CCDC7: variants seen among roughly 807,000 people sequenced by gnomAD.
The protein encoded by CCDC7 is coiled-coil domain containing 7.
CCDC7 carries 183 observed loss-of-function variants against 196.9 expected under a neutral mutation model. The observed-to-expected ratio is 0.93, with a 90% confidence interval of 0.82 to 1.05. The LOEUF (loss-of-function observed/expected upper bound fraction) is 1.05. Among genes scored for constraint, CCDC7 ranks in the 50% least tolerant of loss-of-function variants. The probability of loss-of-function intolerance (pLI) is 0.00; values close to 1 mark genes in which losing one functional copy is unlikely to be tolerated. For synonymous variants in CCDC7, 525 were observed against 484.6 expected (o/e 1.08, Z -1.10); for missense variants, 1,540 against 1,482.2 (o/e 1.04, Z -0.64).
At chr10:32,460,605 A>G (rs1170525553) in intron 3 of CCDC7, among the ~76,000 whole-genome samples, 2 of 130,776 alleles carry the variant, frequency 1.5e-5, no homozygotes, top group African/African-American at 5.5e-5. Flanking sequence ...ATTCCTAGGT[A>G]TAATGTGCTT....
chr10:32,868,369 G>T (rs920876680), intron 41 of CCDC7, among the ~76,000 whole-genome samples: 1 of 151,892 alleles, frequency 6.6e-6, no homozygotes, highest in Non-Finnish European at 1.5e-5. Flanking sequence ...ATTTTCCTCT[G>T]TATCTACTCA....
At chr10:32,827,973 ACATTTATCATCTATT>A (rs2091401113) in intron 32 of CCDC7, among the ~76,000 whole-genome samples, 1 of 152,070 alleles carries the variant, frequency 6.6e-6, no homozygotes, top group African/African-American at 2.4e-5. Context: ...CTGAAAAGAG[ACATTTATCATCTATT>A]CTCTCTAAAG....
intron 5 of CCDC7, among the ~76,000 whole-genome samples, chr10:32,468,724 C>T (rs1554774053): frequency 6.8e-6 from 1 of 147,388 alleles, no homozygotes; most frequent in Non-Finnish European, 1.5e-5. Context: ...GTGCACATTA[C>T]TGGATTAGAT....
intron 37 of CCDC7, 90 bp downstream of exon 38, chr10:32,846,549 C>A: frequency 2.7e-6 from 2 of 739,676 alleles, no homozygotes; most frequent in Non-Finnish European, 4.5e-6. Context: ...ACAATAGTGC[C>A]TACATGTTAG....
At chr10:32,854,844 G>GT (rs1193778079) in intron 41 of CCDC7, among the ~76,000 whole-genome samples, 7 of 152,002 alleles carry the variant, frequency 4.6e-5, no homozygotes, top group East Asian at 1.9e-4. Flanking sequence ...TTTTATCATC[G>GT]TTTTTTGCCA....
chr10:32,457,085 A>G (rs2034523822), intron 3 of CCDC7, among the ~76,000 whole-genome samples: 1 of 151,814 alleles, frequency 6.6e-6, no homozygotes, highest in Non-Finnish European at 1.5e-5. Context: ...GAACACTATA[A>G]CTTATTTCTC....
intron 28 of CCDC7, among the ~76,000 whole-genome samples, chr10:32,756,133 G>A (rs1003164984): frequency 6.6e-6 from 1 of 152,228 alleles, no homozygotes; most frequent in African/African-American, 2.4e-5. Context: ...ACATCAGATT[G>A]TTGTACCTGA....
chr10:32,502,681 A>G (rs1270484428), intron 9 of CCDC7, among the ~76,000 whole-genome samples: 1 of 151,926 alleles, frequency 6.6e-6, no homozygotes, highest in Non-Finnish European at 1.5e-5. Context: ...ATCTATTTTT[A>G]TTTCTGTGAA....
intron 18 of CCDC7, among the ~76,000 whole-genome samples, chr10:32,589,017 A>G (rs926286155): frequency 7.2e-5 from 11 of 152,252 alleles, no homozygotes; most frequent in African/African-American, 2.2e-4. Context: ...AAATAATCCA[A>G]TTATACTTTC....
intron 9 of CCDC7, among the ~76,000 whole-genome samples, chr10:32,506,670 G>A (rs1007530769): frequency 1.3e-4 from 20 of 152,270 alleles, no homozygotes; most frequent in Non-Finnish European, 2.6e-4. Flanking sequence ...CAGTCAACAC[G>A]GCGAAACCCC....
At chr10:32,876,426 A>G (rs200009204), downstream of CCDC7, 348 of 1,583,802 alleles carry the variant, frequency 2.2e-4, 3 homozygotes, top group South Asian at 2.2e-3. Flanking sequence ...GATAAGCAAC[A>G]TGACAAATTC....
chr10:32,862,713 T>A (rs867358441), intron 41 of CCDC7, among the ~76,000 whole-genome samples: 1 of 152,108 alleles, frequency 6.6e-6, no homozygotes, highest in Non-Finnish European at 1.5e-5. Context: ...CAAACAAATT[T>A]GGATTGCAAC....
chr10:32,769,703 C>T (rs972235088), intron 28 of CCDC7, among the ~76,000 whole-genome samples: 2 of 149,824 alleles, frequency 1.3e-5, no homozygotes, highest in Non-Finnish European at 3.0e-5. Context: ...CATTGTTCAA[C>T]TCCCACTTAT....
At chr10:32,627,579 G>A (rs987950792) in intron 18 of CCDC7, among the ~76,000 whole-genome samples, 2 of 151,964 alleles carry the variant, frequency 1.3e-5, no homozygotes, top group East Asian at 1.9e-4. Context: ...GGGCATTCTT[G>A]TCTTGTCCAG....
chr10:32,605,270 C>G (rs1332236449), intron 18 of CCDC7, among the ~76,000 whole-genome samples: 1 of 152,156 alleles, frequency 6.6e-6, no homozygotes, highest in African/African-American at 2.4e-5. Flanking sequence ...CCAATTAAAC[C>G]TCTTTTATTT....
At chr10:32,824,568 G>A (rs2090824376) in exon 32 of CCDC7, 2 of 1,612,118 alleles carry the variant, frequency 1.2e-6, no homozygotes, top group Non-Finnish European at 1.7e-6. Context: ...AATAAATGAT[G>A]CAATTAAGAC....
At chr10:32,463,315 GTTA>G (rs1199570039) in intron 5 of CCDC7, among the ~76,000 whole-genome samples, 3 of 151,944 alleles carry the variant, frequency 2.0e-5, no homozygotes, top group African/African-American at 4.8e-5. Context: ...TGGAAACTAA[GTTA>G]TTATTTTTTC....
chr10:32,480,298 G>A (rs1486680256), intron 8 of CCDC7, among the ~76,000 whole-genome samples: 8 of 151,150 alleles, frequency 5.3e-5, no homozygotes. Context: ...GAGCTCTTTT[G>A]TCTTTTTTTA....
chr10:32,726,856 C>T, intron 26 of CCDC7, 24 bp downstream of exon 27: 1 of 1,277,272 alleles, frequency 7.8e-7, no homozygotes, highest in Non-Finnish European at 1.1e-6. Flanking sequence ...TTATAGATGA[C>T]TTTAAATTAT....
Sources: allele counts gnomAD v4.1 joint callset (sites outside exome capture counted in the v4.1 genomes callset), GRCh38; gene constraint gnomAD v4.1.1; transcripts MANE v1.5; gene names NCBI Gene and HGNC (gene_info 2026-07-23, HGNC 2026-07-21).